BBS9: variants seen among roughly 807,000 people sequenced by gnomAD.
The protein encoded by BBS9 is Bardet-Biedl syndrome 9.
A neutral mutation model predicts 117.7 loss-of-function variants in BBS9; 89 were observed. That is an observed-to-expected ratio of 0.76 (90% CI 0.64 to 0.90). The LOEUF is 0.90. BBS9 is among the 40% of genes least tolerant of loss of function. BBS9 has a pLI of 0.00. For synonymous variants in BBS9, 379 were observed against 370.9 expected (o/e 1.02, Z -0.25); for missense variants, 982 against 1,042.2 (o/e 0.94, Z 0.80).
chr7:33,347,903 G>T (rs754378437), intron 12 of BBS9, among the ~76,000 whole-genome samples: 7 of 151,820 alleles, frequency 4.6e-5, no homozygotes, highest in African/African-American at 7.3e-5. Flanking sequence ...GTATAGAAAA[G>T]GTACCATATA....
intron 9 of BBS9, among the ~76,000 whole-genome samples, chr7:33,309,606 C>T (rs1302663415): frequency 6.6e-6 from 1 of 152,058 alleles, no homozygotes; most frequent in East Asian, 1.9e-4. Flanking sequence ...GAAAAGGGAC[C>T]AGGTTTTTGA....
chr7:33,325,212 G>A (rs1812588696), intron 9 of BBS9, among the ~76,000 whole-genome samples: 2 of 152,028 alleles, frequency 1.3e-5, no homozygotes, highest in Admixed American at 1.3e-4. Flanking sequence ...TTTTCAAATA[G>A]CCTGTCTTCA....
At chr7:33,192,566 C>A (rs933277550) in intron 5 of BBS9, among the ~76,000 whole-genome samples, 7 of 152,246 alleles carry the variant, frequency 4.6e-5, no homozygotes, top group Admixed American at 4.6e-4. Context: ...CTTTTTCAGT[C>A]TATATACTTG....
At chr7:33,512,473 C>G (rs1258422067) in intron 20 of BBS9, among the ~76,000 whole-genome samples, 1 of 152,124 alleles carries the variant, frequency 6.6e-6, no homozygotes, top group Non-Finnish European at 1.5e-5. Context: ...TTTTCAAATC[C>G]TCTGTGAAAT....
chr7:33,378,203 T>C (rs1174866126), intron 17 of BBS9, among the ~76,000 whole-genome samples: 2 of 152,200 alleles, frequency 1.3e-5, no homozygotes, highest in Admixed American at 6.5e-5. Flanking sequence ...AGTATTTTCA[T>C]AGGTCTGTTT....
intron 10 of BBS9, among the ~76,000 whole-genome samples, chr7:33,337,697 T>C (rs1036650129): frequency 1.3e-5 from 2 of 151,902 alleles, no homozygotes; most frequent in African/African-American, 4.8e-5. Flanking sequence ...AAATAGAGAG[T>C]GGTTAAAATG....
intron 9 of BBS9, chr7:33,314,400 A>G (rs896827513): frequency 3.4e-6 from 1 of 297,606 alleles, no homozygotes; most frequent in Non-Finnish European, 6.7e-6. Context: ...GATTAGAGCT[A>G]TTATTTGCAT....
At chr7:33,149,728 T>C (rs1013036087) in intron 2 of BBS9, among the ~76,000 whole-genome samples, 2 of 152,246 alleles carry the variant, frequency 1.3e-5, no homozygotes, top group Non-Finnish European at 2.9e-5. Context: ...ATCCCATATT[T>C]AATTGTAGCT....
chr7:33,606,930 C>G (rs1037823053), downstream of BBS9, among the ~76,000 whole-genome samples: 3 of 152,060 alleles, frequency 2.0e-5, no homozygotes, highest in Non-Finnish European at 2.9e-5. Flanking sequence ...CCCCTTAAAT[C>G]ATTTCTATAA....
chr7:33,323,053 T>C (rs1254861748), intron 9 of BBS9, among the ~76,000 whole-genome samples: 3 of 152,162 alleles, frequency 2.0e-5, no homozygotes, highest in Middle Eastern at 3.2e-3. Flanking sequence ...CCAAAATTCC[T>C]CTTGTTATTG....
rs1839891556 is a variant in BBS9 at position 33,464,438 on chromosome 7, A to G, written c.2116-41025A>G. ...GAATAATAAATATGTAATGGATATG[A>G]AACTGGAAAACTTCTTTACAATTAT... On this transcript the variant is annotated intron_variant, in intron 19 of 22. Transcript: ENST00000242067. 2.6e-5 allele frequency among the ~76,000 whole-genome samples: 4 copies of G among 152,146 alleles called. No homozygotes were observed. The South Asian group carries it at 8.3e-4, about 31-fold the overall frequency.
At chr7:33,253,761 A>G (rs1373500673) in intron 5 of BBS9, among the ~76,000 whole-genome samples, 2 of 152,192 alleles carry the variant, frequency 1.3e-5, no homozygotes, top group East Asian at 3.9e-4. Context: ...ATGATGCTAC[A>G]AAGAGGGGAG....
At chr7:33,163,520 T>C (rs2128130327) in intron 4 of BBS9, among the ~76,000 whole-genome samples, 1 of 152,346 alleles carries the variant, frequency 6.6e-6, no homozygotes, top group South Asian at 2.1e-4. Context: ...CTGTTATTTG[T>C]CTATTCAGAG....
intron 5 of BBS9, among the ~76,000 whole-genome samples, chr7:33,208,553 T>A (rs190710950): frequency 6.6e-6 from 1 of 152,370 alleles, no homozygotes; most frequent in Admixed American, 6.5e-5. Flanking sequence ...TCTGTTCTTT[T>A]TCACAGAATC....
chr7:33,624,722 C>G (rs2129224976), intron 21 of BBS9, among the ~76,000 whole-genome samples: 1 of 152,206 alleles, frequency 6.6e-6, no homozygotes, highest in Middle Eastern at 3.4e-3. Flanking sequence ...AATAGAGAAA[C>G]CATGTAATTG....
chr7:33,333,719 T>C (rs1814656105), intron 9 of BBS9, among the ~76,000 whole-genome samples: 4 of 151,974 alleles, frequency 2.6e-5, no homozygotes, highest in Admixed American at 2.6e-4. Context: ...TAAGTTATTC[T>C]CCTGCCTCAG....
intron 20 of BBS9, among the ~76,000 whole-genome samples, chr7:33,519,308 A>G (rs1848262183): frequency 5.3e-5 from 8 of 152,132 alleles, no homozygotes; most frequent in Admixed American, 5.2e-4. Flanking sequence ...TGTCAAATAT[A>G]TGGGCACCTG....
chr7:33,535,273 G>T (rs1851204752), intron 21 of BBS9, among the ~76,000 whole-genome samples: 1 of 152,054 alleles, frequency 6.6e-6, no homozygotes, highest in Non-Finnish European at 1.5e-5. Context: ...TTGCCCTGCC[G>T]CTGGGGCCCT....
chr7:33,587,251 C>T (rs148276115), intron 21 of BBS9, among the ~76,000 whole-genome samples: 2,515 of 152,126 alleles, frequency 0.017, 34 homozygotes, highest in Admixed American at 0.027. Flanking sequence ...CACTTACCCT[C>T]ATTCCCTCTG....
Sources: allele counts gnomAD v4.1 joint callset (sites outside exome capture counted in the v4.1 genomes callset), GRCh38; gene constraint gnomAD v4.1.1; transcripts MANE v1.5; gene names NCBI Gene and HGNC (gene_info 2026-07-23, HGNC 2026-07-21).